HCN4: variants seen among roughly 807,000 people sequenced by gnomAD.
The protein encoded by HCN4 is potassium/sodium hyperpolarization-activated cyclic nucleotide-gated channel 4.
A neutral mutation model predicts 76.9 loss-of-function variants in HCN4; 29 were observed. The observed-to-expected ratio is 0.38, with a 90% CI of 0.28 to 0.51. HCN4 has a LOEUF of 0.51. Ranked by LOEUF, HCN4 falls within the 20% of genes least tolerant of loss-of-function variation. HCN4 has a pLI of 0.90. For synonymous variants in HCN4, 772 were observed against 762.5 expected, an observed-to-expected ratio of 1.01 and a Z score of -0.21; for missense variants, 1,416 against 1,715.2, an observed-to-expected ratio of 0.83 and a Z score of 3.08.
intron 2 of HCN4, 127 bp from the exon 3 acceptor site, chr15:73,332,419 T>A: frequency 1.1e-6 from 1 of 926,346 alleles, no homozygotes; most frequent in Non-Finnish European, 1.7e-6. Flanking sequence ...GCCCACTCAG[T>A]GCAAATCCAG....
At chr15:73,349,858 T>C (rs1440790200) in intron 1 of HCN4, among the ~76,000 whole-genome samples, 1 of 152,214 alleles carries the variant, frequency 6.6e-6, no homozygotes, top group Non-Finnish European at 1.5e-5. Context: ...CTCAAGGACT[T>C]TGGCAATGCT....
rs1186303189 is a variant in HCN4 at position 73,324,079 on chromosome 15, T to TC, written c.2143+9dup. ...CCCCACCTGCCCCGCCTGTGGCCCC[T>TC]CCCCCTCACCAATGCGGTCCAGGCG... On this transcript the variant is annotated intron_variant, in intron 7 of 7. Coordinates refer to ENST00000261917, the MANE Select transcript of HCN4 (RefSeq NM_005477.3). 2.8e-6 allele frequency: 4 copies of TC among 1,441,646 alleles called. No individual in the cohort carries two copies. The African/African-American group carries it at 6.1e-5, about 22-fold the overall frequency. The allele number at this position is 1,441,646 out of a possible 1,614,324, so 89.3% of individuals were successfully genotyped here.
Sources: allele counts gnomAD v4.1 joint callset (sites outside exome capture counted in the v4.1 genomes callset), GRCh38; gene constraint gnomAD v4.1.1; transcripts MANE v1.5; gene names NCBI Gene and HGNC (gene_info 2026-07-23, HGNC 2026-07-21).